ERVV-2: variants seen among roughly 807,000 people sequenced by gnomAD.
The protein encoded by ERVV-2 is endogenous retrovirus group V member 2, envelope, also known as endogenous retrovirus group V member 2 Env polyprotein.
For missense variants in ERVV-2, 291 were observed against 495.1 expected (o/e 0.59, Z 3.91); for synonymous variants, 105 against 184.6 (o/e 0.57, Z 3.49).
chr19:53,050,459 A>G lies in ERVV-2; in HGVS notation c.1208A>G (p.Asn403Ser), dbSNP rs377417317. ...CAGGGTGGAGTCTGTGCAGTGATCA[A>G]TAAATCCTGTTGCGTTTATGTCAAT... The part of the protein sequence containing the change: ...AEQGGVCAVI[N>S]KSCCVYVNNS... Residue 403 changes from asparagine to serine, a missense_variant, in exon 2 of 2, where the codon AAT becomes AGT. Physicochemically the swap from Asn to Ser is conservative, Grantham distance 46. Transcript: ENST00000601417. The G allele has an allele frequency of 6.5e-4, 472 of 723,978 alleles. No homozygotes were observed. The highest frequency in any genetic ancestry group is 1.7e-3 in the East Asian group (63 of 37,362). The allele number at this position is 723,978 out of a possible 1,614,324, so 44.8% of individuals were successfully genotyped here. A position where few individuals can be genotyped will look rare whatever the true frequency, so the allele number is the denominator to read the frequency against.
At position 53,050,986 on chromosome 19, in the gene ERVV-2, A is replaced by C; in HGVS notation, c.*127A>C. 1.1e-6 allele frequency: 1 copy of C among 938,880 alleles called. No homozygotes were observed. Among genetic ancestry groups the C allele is most frequent in the Admixed American group, 3.1e-5 (1 of 31,980 alleles). The allele number at this position is 938,880 out of a possible 1,614,324, so 58.2% of individuals were successfully genotyped here. ...GTCTCCATCTCTTGAGGAGGGAAAT[A>C]TTAGGGTAGGCAGGTAGGCAGGCAT... On this transcript the variant is annotated 3_prime_UTR_variant, in exon 2 of 2. Transcript: ENST00000601417.
At position 53,049,095 on chromosome 19, in the gene ERVV-2, G is replaced by C; in HGVS notation, c.-157G>C. ...GGGGAATCTTGGTTGCGGTGGCATT[G>C]GTTCTTCTCCTTATTTTGACCCAAC... On this transcript the variant is annotated 5_prime_UTR_variant, in exon 2 of 2. Coordinates refer to ENST00000601417, the MANE Select transcript of ERVV-2 (RefSeq NM_001191055.2). 1 of 784,406 alleles carries C rather than the reference G, an allele frequency of 1.3e-6. No homozygotes were observed. Among genetic ancestry groups the C allele is most frequent in the Non-Finnish European group, 2.0e-6 (1 of 509,190 alleles). 48.6% of individuals were successfully genotyped at this position (784,406 alleles called of 1,614,324 possible).
chr19:53,050,692 C>A lies in ERVV-2; in HGVS notation c.1441C>A (p.Leu481Met). Reference sequence around the variant, plus strand: ...CTTTGGCCCTTGTTTCTTTAATTTACTGATTAAGTGTGTCTCTTCTAGGAT... The same window carrying A: ...CTTTGGCCCTTGTTTCTTTAATTTAATGATTAAGTGTGTCTCTTCTAGGAT... ...FLFGPCFFNL[L>M]IKCVSSRIKQ... is the part of the protein sequence containing the mutation. The change falls in exon 2 of 2, where the codon CTG (leucine) becomes ATG (methionine). Residue 481 changes from leucine (L) to methionine (M), a missense_variant. By Grantham distance (15) the Leu-to-Met change is conservative. Transcript: ENST00000601417. 6.5e-7 allele frequency: 1 copy of A among 1,527,806 alleles called. No homozygotes were observed. The highest frequency in any genetic ancestry group is 8.8e-7 in the Non-Finnish European group (1 of 1,139,396). 94.6% of individuals were successfully genotyped at this position (1,527,806 alleles called of 1,614,324 possible).
At position 53,050,463 on chromosome 19, in the gene ERVV-2, A is replaced by G. The variant is rs1451761369; in HGVS notation, c.1212A>G (p.Lys404=). 1.4e-6 allele frequency: 1 copy of G among 723,548 alleles called. No individual in the cohort carries two copies. The highest frequency in any genetic ancestry group is 2.0e-5 in the Admixed American group (1 of 50,028). 44.8% of individuals were successfully genotyped at this position (723,548 alleles called of 1,614,324 possible). ...GTGGAGTCTGTGCAGTGATCAATAA[A>G]TCCTGTTGCGTTTATGTCAATAACA... ...EQGGVCAVIN[K]SCCVYVNNSG... is the part of the protein sequence containing the mutation. The change falls in exon 2 of 2, where the codon AAA becomes AAG. Residue 404 remains lysine (K), a synonymous_variant. Coordinates refer to ENST00000601417, the MANE Select transcript of ERVV-2 (RefSeq NM_001191055.2).
At chr19:53,045,405 C>T (rs191160033) in intron 1 of ERVV-2, among the ~76,000 whole-genome samples, 2 of 152,040 alleles carry the variant, frequency 1.3e-5, no homozygotes, top group Non-Finnish European at 2.9e-5. Context: ...CGGGTTCAAG[C>T]GATTCTTCTG....
At chr19:53,047,820 C>G (rs1016233007) in intron 1 of ERVV-2, among the ~76,000 whole-genome samples, 2 of 152,176 alleles carry the variant, frequency 1.3e-5, no homozygotes, top group African/African-American at 2.4e-5. Context: ...CCCTTGGAAT[C>G]TGGGAAAAGG....
At chr19:53,045,984 G>A (rs1050127756) in intron 1 of ERVV-2, among the ~76,000 whole-genome samples, 3 of 152,124 alleles carry the variant, frequency 2.0e-5, no homozygotes, top group East Asian at 1.9e-4. Context: ...CATTTTGGCC[G>A]GGCACGGTGG....
At chr19:53,048,545 C>T (rs559068740) in intron 1 of ERVV-2, among the ~76,000 whole-genome samples, 13 of 150,996 alleles carry the variant, frequency 8.6e-5, no homozygotes, top group South Asian at 4.2e-4. Flanking sequence ...CATGCTGGTA[C>T]ATGCCTGTAA....
In ERVV-2 at chr19:53,050,688, T is replaced by A; in HGVS notation, c.1437T>A (p.Asn479Lys). The change falls in exon 2 of 2, where the codon AAT (asparagine) becomes AAA (lysine). Residue 479 changes from asparagine (N) to lysine (K), a missense_variant. Asn to Lys is a moderately conservative substitution (Grantham distance 94). Transcript: ENST00000601417. ...TCCTCTTTGGCCCTTGTTTCTTTAA[T>A]TTACTGATTAAGTGTGTCTCTTCTA... is the stretch of plus-strand genomic sequence containing the variant. ...LLFLFGPCFF[N>K]LLIKCVSSRI... 6.5e-7 allele frequency: 1 copy of A among 1,528,274 alleles called. No individual in the cohort carries two copies. Among genetic ancestry groups the A allele is most frequent in the South Asian group, 1.2e-5 (1 of 83,912 alleles). The allele number at this position is 1,528,274 out of a possible 1,614,324, so 94.7% of individuals were successfully genotyped here.
Position 53,050,707 on chromosome 19 carries a change from T to G in ERVV-2, c.1456T>G (p.Ser486Ala). The G allele has an allele frequency of 6.5e-7, 1 of 1,534,538 alleles. No individual in the cohort carries two copies. Among genetic ancestry groups the G allele is most frequent in the South Asian group, 1.2e-5 (1 of 84,028 alleles). ...CFFNLLIKCVSSRIKQFHMKS... is the reference protein window; with the variant it reads ...CFFNLLIKCVASRIKQFHMKS... ...CTTTAATTTACTGATTAAGTGTGTC[T>G]CTTCTAGGATAAAGCAATTTCACAT... is the stretch of plus-strand genomic sequence containing the variant. The change falls in exon 2 of 2, where the codon TCT (serine) becomes GCT (alanine). Residue 486 changes from serine to alanine, a missense_variant. Physicochemically the swap from Ser to Ala is moderately conservative, Grantham distance 99 (BLOSUM62 1). Transcript: ENST00000601417.
chr19:53,046,217 G>A (rs1372196849), intron 1 of ERVV-2, among the ~76,000 whole-genome samples: 1 of 151,856 alleles, frequency 6.6e-6, no homozygotes, highest in African/African-American at 2.4e-5. Flanking sequence ...GGCCGAGATC[G>A]CACCATTGCA....
chr19:53,048,615 C>T (rs973502995), intron 1 of ERVV-2, among the ~76,000 whole-genome samples: 2 of 135,796 alleles, frequency 1.5e-5, no homozygotes, highest in African/African-American at 2.9e-5. Context: ...GCGGAGGTTG[C>T]GGTGAGCCGA....
At position 53,050,765 on chromosome 19, in the gene ERVV-2, C is replaced by G; in HGVS notation, c.1514C>G (p.Ser505Cys). ...CCCCAAATGGAAAGATATCAGCTAT[C>G]TGTCATTGGAGGCCCCAGCACCTAT... Reference protein sequence around the residue: ...KSPQMERYQLSVIGGPSTYKH... With the variant: ...KSPQMERYQLCVIGGPSTYKH... Residue 505 changes from serine to cysteine, a missense_variant, in exon 2 of 2, where the codon TCT becomes TGT. Physicochemically the swap from Ser to Cys is moderately radical, Grantham distance 112. Coordinates refer to ENST00000601417, the MANE Select transcript of ERVV-2 (RefSeq NM_001191055.2). 2.6e-6 allele frequency: 4 copies of G among 1,536,138 alleles called. No individual in the cohort carries two copies. The highest frequency in any genetic ancestry group is 3.5e-6 in the Non-Finnish European group (4 of 1,146,906).
chr19:53,047,660 G>T (rs111430421), intron 1 of ERVV-2, among the ~76,000 whole-genome samples: 1 of 152,188 alleles, frequency 6.6e-6, no homozygotes, highest in African/African-American at 2.4e-5. Flanking sequence ...AGAGGCATGA[G>T]ACACCTCATT....
intron 1 of ERVV-2, among the ~76,000 whole-genome samples, chr19:53,046,687 A>C (rs555142212): frequency 5.6e-4 from 85 of 152,316 alleles, no homozygotes; most frequent in African/African-American, 1.8e-3. Flanking sequence ...GGAACCTTTT[A>C]AGAGTGGGGG....
chr19:53,047,151 T>G (rs922051236), intron 1 of ERVV-2, among the ~76,000 whole-genome samples: 2 of 134,548 alleles, frequency 1.5e-5, no homozygotes, highest in African/African-American at 5.5e-5. Context: ...AAAGTGAGAC[T>G]CCATGTCAAA....
At position 53,048,875 on chromosome 19, in the gene ERVV-2, A is replaced by G. The variant is rs1029811024; in HGVS notation, c.-377A>G. 1.5e-5 allele frequency: 6 copies of G among 387,122 alleles called. No individual in the cohort carries two copies. In the Admixed American group the frequency reaches 2.5e-4, roughly 16 times the overall value. The allele number at this position is 387,122 out of a possible 1,614,324, so 24.0% of individuals were successfully genotyped here. ...ACTTTCCACCCCAACAGCTATCAAC[A>G]TTTCTGGCATCTCCAGTTGGATACA... On this transcript the variant is annotated 5_prime_UTR_variant, in exon 2 of 2. Transcript: ENST00000601417.
chr19:53,047,651 G>C (rs892135994), intron 1 of ERVV-2, among the ~76,000 whole-genome samples: 3 of 152,194 alleles, frequency 2.0e-5, no homozygotes, highest in African/African-American at 7.2e-5. Flanking sequence ...CTTGCAGGGA[G>C]AGGCATGAGA....
Position 53,051,455 on chromosome 19 carries a change from G to A in ERVV-2, c.*596G>A, listed in dbSNP as rs2560954. 0.87 allele frequency among the ~76,000 whole-genome samples: 131,886 copies of A among 152,028 alleles called. 57,491 individuals are homozygous for A. Among genetic ancestry groups the A allele is most frequent in the African/African-American group, 0.91 (37,898 of 41,488 alleles). On this transcript the variant is annotated 3_prime_UTR_variant, in exon 2 of 2. Transcript: ENST00000601417. Reference sequence around the variant, plus strand: ...GCCACTGCGCCTGGCTACTCAGAACGCTTCTGAATGGCACATTCATGAAAA... The same window carrying A: ...GCCACTGCGCCTGGCTACTCAGAACACTTCTGAATGGCACATTCATGAAAA...
Sources: allele counts gnomAD v4.1 joint callset (sites outside exome capture counted in the v4.1 genomes callset), GRCh38; gene constraint gnomAD v4.1.1; transcripts MANE v1.5; gene names NCBI Gene and HGNC (gene_info 2026-07-23, HGNC 2026-07-21).